Variants in C21orf91 observed in about 807,000 individuals in gnomAD.
C21orf91 encodes the protein chromosome 21 open reading frame 91.
A neutral mutation model predicts 32.9 loss-of-function variants in C21orf91; 26 were observed. The observed-to-expected ratio is 0.79, with a 90% CI of 0.58 to 1.10. C21orf91 has a LOEUF of 1.10. Ranked by LOEUF, C21orf91 falls within the 50% of genes least tolerant of loss-of-function variation. The probability of loss-of-function intolerance (pLI) is 0.00; values close to 1 mark genes in which losing one functional copy is unlikely to be tolerated. For synonymous variants in C21orf91, 126 were observed against 120.4 expected (o/e 1.05, Z -0.31); for missense variants, 310 against 341.3 (o/e 0.91, Z 0.72).
At position 17,796,564 on chromosome 21, in the gene C21orf91, T is replaced by G; in HGVS notation, c.664+18A>C. On this transcript the variant is annotated intron_variant, in intron 3 of 4. Coordinates refer to ENST00000284881, the MANE Select transcript of C21orf91 (RefSeq NM_001100420.2). ...TCCCAAACCACCCAACTTTTACTTT[T>G]CTCCCCATTTTACTTACATTCCTCT... 6.3e-7 allele frequency: 1 copy of G among 1,584,602 alleles called. No individual in the cohort carries two copies. Among genetic ancestry groups the G allele is most frequent in the Non-Finnish European group, 8.6e-7 (1 of 1,163,222 alleles).
intron 3 of C21orf91, 32 bp from the exon 4 acceptor site, chr21:17,795,302 C>A: frequency 6.9e-7 from 1 of 1,454,632 alleles, no homozygotes; most frequent in Non-Finnish European, 9.7e-7. Context: ...ACTATTACCA[C>A]AACAACCTAG....
rs2062524725 is a variant in C21orf91 at position 17,797,040 on chromosome 21, G to A, written c.206C>T (p.Ala69Val). 1 of 1,611,156 alleles carries A rather than the reference G, an allele frequency of 6.2e-7. No homozygotes were observed. The highest frequency in any genetic ancestry group is 1.3e-5 in the African/African-American group (1 of 74,830). ...KDCFEKYHLI[A>V]NQGCPRSKLS... ...CTTAGATCGAGGACAACCCTGGTTT[G>A]CAATTAAATGGTATTTTTCAAAGCA... The change falls in exon 3 of 5, where the codon GCA (alanine) becomes GTA (valine). Residue 69 changes from alanine to valine, a missense_variant. Physicochemically the swap from Ala to Val is moderately conservative, Grantham distance 64 (BLOSUM62 0). Transcript: ENST00000284881.
chr21:17,811,660 A>G (rs560143352), intron 2 of C21orf91, among the ~76,000 whole-genome samples: 1 of 152,310 alleles, frequency 6.6e-6, no homozygotes, highest in South Asian at 2.1e-4. Context: ...CAAGTAGTAG[A>G]GACTTTCAAT....
chr21:17,807,338 A>C (rs561904474), intron 2 of C21orf91, among the ~76,000 whole-genome samples: 1 of 151,770 alleles, frequency 6.6e-6, no homozygotes, highest in South Asian at 2.1e-4. Context: ...CTCCCCCTTC[A>C]CCTTCTGTCA....
At chr21:17,818,982 G>A (rs940459574) in intron 1 of C21orf91, 1 of 152,282 alleles carries the variant, frequency 6.6e-6, no homozygotes, top group Non-Finnish European at 1.5e-5. Flanking sequence ...GCATCCTGGA[G>A]CCCGGCGGGC....
In C21orf91 at chr21:17,810,972, C is replaced by T. The variant is rs538250400; in HGVS notation, c.127+7220G>A. The T allele has an allele frequency of 2.0e-5, 3 of 152,286 alleles. No individual in the cohort carries two copies. The South Asian group carries it at 6.2e-4, about 32-fold the overall frequency. 9.4% of individuals were successfully genotyped at this position (152,286 alleles called of 1,614,324 possible). ...CACAGAATGTGTATTCATTAAATATCGTGAGTAGAAATTATTTAAAAATTA... is the reference window on the plus strand; with the variant it reads ...CACAGAATGTGTATTCATTAAATATTGTGAGTAGAAATTATTTAAAAATTA... On this transcript the variant is annotated intron_variant, in intron 2 of 4. Coordinates refer to ENST00000284881, the MANE Select transcript of C21orf91 (RefSeq NM_001100420.2).
chr21:17,817,364 AAATATAT>A (rs2062670610), intron 2 of C21orf91, among the ~76,000 whole-genome samples: 1 of 152,192 alleles, frequency 6.6e-6, no homozygotes, highest in Non-Finnish European at 1.5e-5. Flanking sequence ...GAAAAATTTC[AAATATAT>A]AATACAGAAA....
At chr21:17,810,965 TAAATATCGTGAGTAG>T (rs2062628933) in intron 2 of C21orf91, 1 of 152,246 alleles carries the variant, frequency 6.6e-6, no homozygotes, top group African/African-American at 2.4e-5. Context: ...GTGTATTCAT[TAAATATCGTGAGTAG>T]AAATTATTTA....
Position 17,796,706 on chromosome 21 carries a change from G to A in C21orf91, c.540C>T (p.Ala180=). 8.7e-6 allele frequency: 14 copies of A among 1,613,982 alleles called. No individual in the cohort carries two copies. Among genetic ancestry groups the A allele is most frequent in the Non-Finnish European group, 1.2e-5 (14 of 1,179,874 alleles). Reference sequence around the variant, plus strand: ...ACAATACACTGTTACGACATAAAGTGGCACCTGAATCTTGTAACATAGAAA... The same window carrying A: ...ACAATACACTGTTACGACATAAAGTAGCACCTGAATCTTGTAACATAGAAA... ...FGLSMLQDSG[A]TLCRNSVLWP... is the part of the protein sequence containing the mutation. The change falls in exon 3 of 5, where the codon GCC becomes GCT. Residue 180 remains alanine, a synonymous_variant. Coordinates refer to ENST00000284881, the MANE Select transcript of C21orf91 (RefSeq NM_001100420.2).
intron 2 of C21orf91, among the ~76,000 whole-genome samples, chr21:17,813,596 T>C (rs569865263): frequency 6.6e-6 from 1 of 152,218 alleles, no homozygotes; most frequent in Non-Finnish European, 1.5e-5. Flanking sequence ...CAACTTACAC[T>C]GAAAACTTTG....
chr21:17,795,894 A>C (rs773210169), intron 3 of C21orf91, among the ~76,000 whole-genome samples: 9 of 152,216 alleles, frequency 5.9e-5, no homozygotes, highest in Non-Finnish European at 8.8e-5. Flanking sequence ...AGTTTTTAAA[A>C]AGTGTTAGTC....
At chr21:17,814,818 T>C (rs1457209925) in intron 2 of C21orf91, among the ~76,000 whole-genome samples, 1 of 152,168 alleles carries the variant, frequency 6.6e-6, no homozygotes, top group African/African-American at 2.4e-5. Flanking sequence ...GGGGATTACA[T>C]TTCAACATGA....
At chr21:17,794,166 T>A (rs1600873527) in intron 4 of C21orf91, among the ~76,000 whole-genome samples, 3 of 152,344 alleles carry the variant, frequency 2.0e-5, no homozygotes, top group Admixed American at 2.0e-4. Flanking sequence ...TGATTATTTT[T>A]ATTATTCTGA....
At chr21:17,815,830 T>C (rs1241862874) in intron 2 of C21orf91, among the ~76,000 whole-genome samples, 1 of 152,174 alleles carries the variant, frequency 6.6e-6, no homozygotes, top group Non-Finnish European at 1.5e-5. Flanking sequence ...CTGGTTAATT[T>C]TGTATTTTTA....
At chr21:17,798,756 G>C (rs2062538870) in intron 2 of C21orf91, among the ~76,000 whole-genome samples, 1 of 152,118 alleles carries the variant, frequency 6.6e-6, no homozygotes, top group Admixed American at 6.6e-5. Context: ...TAAAAAGGAA[G>C]CTCACGAGCT....
intron 2 of C21orf91, among the ~76,000 whole-genome samples, chr21:17,799,962 G>A (rs921635860): frequency 6.6e-5 from 10 of 152,248 alleles, no homozygotes; most frequent in Admixed American, 2.0e-4. Flanking sequence ...CTACTCAGCG[G>A]GTAATTAAAG....
chr21:17,802,296 GACTATAGGCACGC>G (rs1786910553), intron 2 of C21orf91, among the ~76,000 whole-genome samples: 1 of 152,170 alleles, frequency 6.6e-6, no homozygotes, highest in Non-Finnish European at 1.5e-5. Flanking sequence ...AAGTAGCTGG[GACTATAGGCACGC>G]ACCACCACAC....
Position 17,796,756 on chromosome 21 carries a change from G to T in C21orf91, c.490C>A (p.Gln164Lys). Residue 164 changes from glutamine (Q) to lysine (K), a missense_variant, in exon 3 of 5, where the codon CAG (glutamine) becomes AAG (lysine). Coordinates refer to ENST00000284881, the MANE Select transcript of C21orf91 (RefSeq NM_001100420.2). ...AGTCCAAAGTCTGTATTTTCCCTCT[G>T]CTCCAAAATTCTTTGTGTACAGTTA... Reference protein sequence around the residue: ...ISNCTQRILEQRENTDFGLSM... With the variant: ...ISNCTQRILEKRENTDFGLSM... The T allele has an allele frequency of 6.2e-7, 1 of 1,614,038 alleles. No homozygotes were observed. Among genetic ancestry groups the T allele is most frequent in the Non-Finnish European group, 8.5e-7 (1 of 1,179,952 alleles).
At chr21:17,804,543 T>C (rs1458719416) in intron 2 of C21orf91, among the ~76,000 whole-genome samples, 2 of 152,240 alleles carry the variant, frequency 1.3e-5, no homozygotes, top group Non-Finnish European at 2.9e-5. Context: ...TGGTAGCAGA[T>C]AGAATATTGG....
Sources: allele counts gnomAD v4.1 joint callset (sites outside exome capture counted in the v4.1 genomes callset), GRCh38; gene constraint gnomAD v4.1.1; transcripts MANE v1.5; gene names NCBI Gene and HGNC (gene_info 2026-07-23, HGNC 2026-07-21).